Variants in THEMIS observed in about 807,000 individuals in gnomAD.
The protein encoded by THEMIS is thymocyte selection associated.
Under a neutral mutation model 52.6 loss-of-function variants are expected in THEMIS, and 37 were observed. The observed-to-expected ratio is 0.70, with a 90% confidence interval of 0.54 to 0.93. The LOEUF is 0.93. Ranked by LOEUF, THEMIS falls within the 40% of genes least tolerant of loss-of-function variation. The probability of loss-of-function intolerance (pLI) is 0.00; values close to 1 mark genes in which losing one functional copy is unlikely to be tolerated. For missense variants in THEMIS, 808 were observed against 763.1 expected (o/e 1.06, Z -0.69); for synonymous variants, 292 against 272.7 (o/e 1.07, Z -0.70).
At chr6:127,763,950 T>G (rs1235836550) in intron 4 of THEMIS, among the ~76,000 whole-genome samples, 4 of 151,944 alleles carry the variant, frequency 2.6e-5, no homozygotes, top group African/African-American at 9.7e-5. Flanking sequence ...ATTATATTAC[T>G]ATCGAAGAGA....
chr6:127,900,815 C>T (rs1465397256), intron 1 of THEMIS, 27 bp downstream of exon 1: 1 of 1,582,664 alleles, frequency 6.3e-7, no homozygotes, highest in East Asian at 2.2e-5. Context: ...AATGTTCTAG[C>T]CAGTAAAGGT....
intron 4 of THEMIS, among the ~76,000 whole-genome samples, chr6:127,744,799 A>G (rs1775330786): frequency 6.6e-6 from 1 of 151,856 alleles, no homozygotes; most frequent in Non-Finnish European, 1.5e-5. Flanking sequence ...GCATTTACAG[A>G]TTTAAAAGGG....
intron 2 of THEMIS, among the ~76,000 whole-genome samples, chr6:127,832,344 A>G (rs967671760): frequency 1.3e-5 from 2 of 152,220 alleles, no homozygotes; most frequent in African/African-American, 4.8e-5. Context: ...TACACAGTTT[A>G]GCATACTAAA....
chr6:127,873,158 G>A (rs2114391839), intron 1 of THEMIS, among the ~76,000 whole-genome samples: 1 of 152,198 alleles, frequency 6.6e-6, no homozygotes, highest in African/African-American at 2.4e-5. Flanking sequence ...CAAATGGAAT[G>A]GAAAGACATA....
intron 5 of THEMIS, among the ~76,000 whole-genome samples, chr6:127,713,018 G>A (rs1199215654): frequency 2.0e-5 from 3 of 151,848 alleles, no homozygotes; most frequent in Admixed American, 6.6e-5. Flanking sequence ...CCAGTCCCCT[G>A]AAATTGCTCA....
At chr6:127,751,207 T>C (rs572993502) in intron 4 of THEMIS, among the ~76,000 whole-genome samples, 7 of 151,816 alleles carry the variant, frequency 4.6e-5, no homozygotes, top group Non-Finnish European at 1.0e-4. Context: ...GTGACATCAA[T>C]AACATAAAAT....
At chr6:127,733,780 C>T (rs532138066) in intron 4 of THEMIS, among the ~76,000 whole-genome samples, 9 of 151,820 alleles carry the variant, frequency 5.9e-5, no homozygotes, top group South Asian at 4.2e-4. Flanking sequence ...GGAGGAAGAC[C>T]GCTCACAGAC....
At position 127,708,401 on chromosome 6, in the gene THEMIS, C is replaced by T. The variant is rs944102579; in HGVS notation, c.*1584G>A. The stretch of plus-strand genomic sequence containing the variant: ...ATATGCATTCTCTTAATTTTCTAAT[C>T]AAAGAATGGTAGTTACTAAAAGTAC... On this transcript the variant is annotated 3_prime_UTR_variant, in exon 6 of 6. Coordinates refer to ENST00000368248, the MANE Select transcript of THEMIS (RefSeq NM_001010923.3). 3.9e-5 allele frequency: 6 copies of T among 152,136 alleles called. No homozygotes were observed. Among genetic ancestry groups the T allele is most frequent in the African/African-American group, 1.4e-4 (6 of 41,538 alleles). 9.4% of individuals were successfully genotyped at this position (152,136 alleles called of 1,614,324 possible). A position where few individuals can be genotyped will look rare whatever the true frequency, so the allele number is the denominator to read the frequency against.
chr6:127,848,388 T>C (rs1290807551), intron 2 of THEMIS, among the ~76,000 whole-genome samples: 1 of 152,056 alleles, frequency 6.6e-6, no homozygotes, highest in African/African-American at 2.4e-5. Flanking sequence ...TAAACATACG[T>C]GTGCATATGT....
intron 1 of THEMIS, among the ~76,000 whole-genome samples, chr6:127,877,256 A>C (rs947685043): frequency 3.3e-5 from 5 of 152,196 alleles, no homozygotes; most frequent in Non-Finnish European, 7.4e-5. Context: ...CTTTCTTATC[A>C]GCAATAAGGC....
chr6:127,885,532 C>T (rs967290483), intron 1 of THEMIS, among the ~76,000 whole-genome samples: 1 of 150,924 alleles, frequency 6.6e-6, no homozygotes, highest in Admixed American at 6.6e-5. Flanking sequence ...AAAGGTCATA[C>T]TTCATTCATT....
At chr6:127,729,319 T>A (rs1774673483) in intron 4 of THEMIS, among the ~76,000 whole-genome samples, 1 of 152,144 alleles carries the variant, frequency 6.6e-6, no homozygotes, top group Non-Finnish European at 1.5e-5. Context: ...GGTTCCTCAG[T>A]GTTGCTCAGT....
chr6:127,844,032 A>T (rs1779134166), intron 2 of THEMIS, among the ~76,000 whole-genome samples: 1 of 152,024 alleles, frequency 6.6e-6, no homozygotes, highest in Non-Finnish European at 1.5e-5. Context: ...ATTATGTGAG[A>T]AATGTTGTTT....
At chr6:127,902,338 A>AAAAAAAAT (rs1781161166), upstream of THEMIS, among the ~76,000 whole-genome samples, 1 of 148,752 alleles carries the variant, frequency 6.7e-6, no homozygotes, top group Non-Finnish European at 1.5e-5. Flanking sequence ...AAAAAAAAAA[A>AAAAAAAAT]AAAAAAATAA....
At chr6:127,822,546 TGAC>T (rs1778375650) in intron 3 of THEMIS, among the ~76,000 whole-genome samples, 1 of 152,150 alleles carries the variant, frequency 6.6e-6, no homozygotes, top group African/African-American at 2.4e-5. Flanking sequence ...AACACTACTT[TGAC>T]TTTTACATTT....
intron 2 of THEMIS, among the ~76,000 whole-genome samples, chr6:127,854,675 T>C (rs749178474): frequency 1.3e-5 from 2 of 151,820 alleles, no homozygotes; most frequent in Admixed American, 6.6e-5. Context: ...AGAGGGTAGA[T>C]AGGCTTAAAT....
chr6:127,904,489 C>T (rs1221466304), upstream of THEMIS, among the ~76,000 whole-genome samples: 2 of 152,114 alleles, frequency 1.3e-5, no homozygotes, highest in Non-Finnish European at 2.9e-5. Context: ...AAAATTAGCT[C>T]AATCCCTCAT....
chr6:127,794,222 G>A lies in THEMIS; in HGVS notation c.1758+18661C>T, dbSNP rs138974468. 5.1e-4 allele frequency among the ~76,000 whole-genome samples: 77 copies of A among 152,208 alleles called. 1 individual carries two copies. Among genetic ancestry groups the A allele is most frequent in the African/African-American group, 1.7e-3 (71 of 41,520 alleles). The stretch of plus-strand genomic sequence containing the variant: ...TCCTAGCCCATAGCAATATTAAGAC[G>A]GCAATGTTCTTCTAACTGGACTTTC... On this transcript the variant is annotated intron_variant, in intron 4 of 5. Transcript: ENST00000368248.
At chr6:127,716,939 G>A (rs1259601788) in intron 5 of THEMIS, among the ~76,000 whole-genome samples, 1 of 151,864 alleles carries the variant, frequency 6.6e-6, no homozygotes, top group East Asian at 1.9e-4. Flanking sequence ...CCCCCTCCAT[G>A]TTCATAGCAT....
Sources: allele counts gnomAD v4.1 joint callset (sites outside exome capture counted in the v4.1 genomes callset), GRCh38; gene constraint gnomAD v4.1.1; transcripts MANE v1.5; gene names NCBI Gene and HGNC (gene_info 2026-07-23, HGNC 2026-07-21).